ROBO2: variants seen among roughly 807,000 people sequenced by gnomAD.
The protein encoded by ROBO2 is roundabout guidance receptor 2.
ROBO2 carries 53 observed loss-of-function variants against 160.8 expected under a neutral mutation model. The observed-to-expected ratio is 0.33, with a 90% CI of 0.26 to 0.41. The LOEUF is 0.41. ROBO2 is among the 10% of genes least tolerant of loss of function. The pLI is 1.00. For synonymous variants in ROBO2, 664 were observed against 611.7 expected (o/e 1.09, Z -1.26); for missense variants, 1,577 against 1,722.4 (o/e 0.92, Z 1.49).
chr3:77,132,364 C>T (rs939847593), intron 2 of ROBO2, among the ~76,000 whole-genome samples: 1 of 149,652 alleles, frequency 6.7e-6, no homozygotes. Context: ...AATGTTTTTC[C>T]AACTCTCTCT....
intron 2 of ROBO2, among the ~76,000 whole-genome samples, chr3:76,059,040 A>C (rs942529506): frequency 6.6e-6 from 1 of 150,388 alleles, no homozygotes; most frequent in African/African-American, 2.4e-5. Context: ...TTCTTAATCC[A>C]GTCTATCATT....
At chr3:77,376,159 T>TC (rs1439454776) in intron 2 of ROBO2, among the ~76,000 whole-genome samples, 3 of 145,608 alleles carry the variant, frequency 2.1e-5, no homozygotes, top group Non-Finnish European at 3.0e-5. Flanking sequence ...ACTTTCTTTT[T>TC]TTTTTTTTTT....
intron 2 of ROBO2, among the ~76,000 whole-genome samples, chr3:76,692,524 G>A (rs2092824902): frequency 6.6e-6 from 1 of 152,048 alleles, no homozygotes; most frequent in Non-Finnish European, 1.5e-5. Context: ...AGCATTTGAG[G>A]CAGTTTTTTA....
intron 2 of ROBO2, among the ~76,000 whole-genome samples, chr3:75,981,526 TTTAG>T (rs1442411029): frequency 4.0e-5 from 6 of 150,674 alleles, no homozygotes; most frequent in African/African-American, 7.4e-5. Flanking sequence ...ATATAAATAT[TTTAG>T]TTAAATATTA....
At chr3:76,668,193 A>G (rs1575828020) in intron 2 of ROBO2, among the ~76,000 whole-genome samples, 1 of 152,164 alleles carries the variant, frequency 6.6e-6, no homozygotes, top group East Asian at 1.9e-4. Context: ...TCGACCTCCT[A>G]GACTCTGGTG....
chr3:77,588,219 T>C (rs1157634488), intron 16 of ROBO2, among the ~76,000 whole-genome samples: 1 of 152,068 alleles, frequency 6.6e-6, no homozygotes, highest in Non-Finnish European at 1.5e-5. Flanking sequence ...TTTTGTATAG[T>C]AGTTTTAATA....
rs1011368600 is a variant in ROBO2, at chr3:76,729,578, T to C, written c.110-368436T>C. Among the ~76,000 whole-genome samples the C allele has an allele frequency of 7.2e-5, 11 of 151,924 alleles. 1 individual carries two copies. Among genetic ancestry groups the C allele is most frequent in the Admixed American group, 7.2e-4 (11 of 15,238 alleles). On this transcript the variant is annotated intron_variant, in intron 2 of 26. Transcript: ENST00000487694. Reference sequence around the variant, plus strand: ...CAGTGATTATATTTATATTTAAACATTCTGAATATGCCACTTTTTCCTGTT... The same window carrying C: ...CAGTGATTATATTTATATTTAAACACTCTGAATATGCCACTTTTTCCTGTT...
intron 1 of ROBO2, among the ~76,000 whole-genome samples, chr3:75,925,816 G>A (rs1229459519): frequency 1.3e-5 from 2 of 152,168 alleles, no homozygotes; most frequent in African/African-American, 4.8e-5. Context: ...GAGGTACTGG[G>A]AAGAAGCAGA....
At chr3:76,641,886 T>TA (rs1268887198) in intron 2 of ROBO2, among the ~76,000 whole-genome samples, 1 of 152,082 alleles carries the variant, frequency 6.6e-6, no homozygotes, top group African/African-American at 2.4e-5. Context: ...TGTAGGCATG[T>TA]ACCACCATGC....
intron 2 of ROBO2, among the ~76,000 whole-genome samples, chr3:77,303,055 C>A (rs2062793446): frequency 1.3e-5 from 2 of 152,146 alleles, no homozygotes; most frequent in Non-Finnish European, 2.9e-5. Context: ...ATCAATCCTT[C>A]CATAGACGGA....
chr3:76,650,834 T>C (rs2091222688), intron 2 of ROBO2, among the ~76,000 whole-genome samples: 1 of 152,182 alleles, frequency 6.6e-6, no homozygotes, highest in African/African-American at 2.4e-5. Flanking sequence ...GAGATTATTT[T>C]GAATTTCAAG....
At chr3:77,547,021 A>T (rs1279955856) in intron 7 of ROBO2, among the ~76,000 whole-genome samples, 1 of 152,036 alleles carries the variant, frequency 6.6e-6, no homozygotes, top group Non-Finnish European at 1.5e-5. Context: ...TTAGACAGGA[A>T]ATAATACATA....
chr3:76,395,303 A>G (rs1447294092), intron 2 of ROBO2, among the ~76,000 whole-genome samples: 3 of 150,344 alleles, frequency 2.0e-5, no homozygotes, highest in Non-Finnish European at 4.4e-5. Context: ...AACATACCAG[A>G]ATCTCTGGGA....
chr3:77,527,408 C>G (rs1156968653), intron 6 of ROBO2: 2 of 1,287,700 alleles, frequency 1.6e-6, no homozygotes, highest in Admixed American at 4.6e-5. Context: ...TACAGCTCGC[C>G]CTGTTGGTAA....
chr3:76,518,430 A>G (rs2081443806), intron 2 of ROBO2, among the ~76,000 whole-genome samples: 2 of 152,144 alleles, frequency 1.3e-5, no homozygotes, highest in African/African-American at 4.8e-5. Context: ...TGAAAGAGGA[A>G]GGTAGGAAAG....
At chr3:76,573,520 T>G (rs934637505) in intron 2 of ROBO2, among the ~76,000 whole-genome samples, 2 of 150,802 alleles carry the variant, frequency 1.3e-5, no homozygotes, top group African/African-American at 2.5e-5. Context: ...AAAATAGTTT[T>G]CAATTTTTTT....
chr3:77,553,212 T>C (rs2092984053), intron 8 of ROBO2, among the ~76,000 whole-genome samples: 1 of 151,988 alleles, frequency 6.6e-6, no homozygotes, highest in Non-Finnish European at 1.5e-5. Flanking sequence ...TGGTCTGTGA[T>C]CAGTGATCTT....
chr3:77,006,060 T>A (rs1353057480), intron 2 of ROBO2, among the ~76,000 whole-genome samples: 1 of 152,086 alleles, frequency 6.6e-6, no homozygotes, highest in East Asian at 1.9e-4. Context: ...TTTTTTCAGA[T>A]TCTTTTAGCT....
chr3:75,980,144 T>A (rs1349880345), intron 2 of ROBO2, among the ~76,000 whole-genome samples: 1 of 151,490 alleles, frequency 6.6e-6, no homozygotes. Flanking sequence ...GGGCAAAGTA[T>A]TTTGCCGTCA....
Sources: gnomAD v4.1 joint callset for allele counts (sites outside exome capture counted in the v4.1 genomes callset) on GRCh38, gnomAD v4.1.1 for gene constraint, MANE v1.5 for transcripts, NCBI Gene and HGNC (gene_info 2026-07-23, HGNC 2026-07-21) for gene names.